Variants in IGDCC3 observed in about 807,000 individuals in gnomAD.
IGDCC3 encodes the protein putative neuronal cell adhesion molecule.
Under a neutral mutation model 72.0 loss-of-function variants are expected in IGDCC3, and 47 were observed. The ratio of observed to expected loss-of-function variants is 0.65; its 90% CI spans 0.52 to 0.83. The LOEUF (loss-of-function observed/expected upper bound fraction) is 0.83, where lower values mean the gene tolerates loss of function less well. IGDCC3 is among the 40% of genes least tolerant of loss of function. The pLI is 0.00. For missense variants in IGDCC3, 1,038 were observed against 1,091.3 expected (o/e 0.95, Z 0.69); for synonymous variants, 477 against 472.8 (o/e 1.01, Z -0.11).
chr15:65,362,837 G>A (rs965454812), intron 2 of IGDCC3, among the ~76,000 whole-genome samples: 10 of 148,942 alleles, frequency 6.7e-5, no homozygotes, highest in Non-Finnish European at 1.0e-4. Flanking sequence ...TTACCAGCGA[G>A]GTTTGGGGAT....
In IGDCC3 at chr15:65,328,814, A is replaced by C; in HGVS notation, c.*95T>G. The stretch of plus-strand genomic sequence containing the variant: ...AGGATAGAAATGCTGGGGAGCCCCC[A>C]GGACCATCCAAATCCCACATGACAG... On this transcript the variant is annotated 3_prime_UTR_variant, in exon 14 of 14. Coordinates refer to ENST00000327987, the MANE Select transcript of IGDCC3 (RefSeq NM_004884.4). 1 of 1,443,762 alleles carries C rather than the reference A, an allele frequency of 6.9e-7. No homozygotes were observed. Among genetic ancestry groups the C allele is most frequent in the Non-Finnish European group, 9.2e-7 (1 of 1,086,204 alleles). The allele number at this position is 1,443,762 out of a possible 1,614,324, so 89.4% of individuals were successfully genotyped here. A position where few individuals can be genotyped will look rare whatever the true frequency, so the allele number is the denominator to read the frequency against.
At chr15:65,354,721 T>C (rs1178960583) in intron 2 of IGDCC3, among the ~76,000 whole-genome samples, 1 of 152,200 alleles carries the variant, frequency 6.6e-6, no homozygotes, top group Non-Finnish European at 1.5e-5. Context: ...TCACTCCTCA[T>C]CTTGTCTTCC....
Position 65,377,733 on chromosome 15 carries a change from CG to C in IGDCC3, c.55del (p.Arg19GlyfsTer41). On this transcript the variant is annotated frameshift_variant, in exon 1 of 14. Coordinates refer to ENST00000327987, the MANE Select transcript of IGDCC3 (RefSeq NM_004884.4). LOFTEE classifies it high-confidence loss of function. This position sits in a 1 kb window ranked among gnomAD's most constrained non-coding sequence, Gnocchi z 4.9. Reference protein sequence around the residue: ...PRRPPAPLWPRLLLPLLLLLL... With the variant: ...PRRPPAPLWPXLLLPLLLLLL... ...CAGCAACAGCAGCGGCAGCAGGAGC[CG>C]GGGCCAGAGCGGGGCGGGCGGGCGG... 1.5e-6 allele frequency: 2 copies of C among 1,358,974 alleles called. No individual in the cohort carries two copies. The highest frequency in any genetic ancestry group is 1.8e-5 in the South Asian group (1 of 56,698). The allele number at this position is 1,358,974 out of a possible 1,614,324, so 84.2% of individuals were successfully genotyped here.
intron 2 of IGDCC3, among the ~76,000 whole-genome samples, chr15:65,368,381 A>C (rs1221440139): frequency 1.3e-5 from 2 of 152,172 alleles, no homozygotes; most frequent in Non-Finnish European, 2.9e-5. Context: ...TTCCCAGCCA[A>C]GGCGCCTGGC....
At chr15:65,334,898 G>A in intron 4 of IGDCC3, 33 bp from the exon 5 acceptor site, 2 of 1,592,452 alleles carry the variant, frequency 1.3e-6, no homozygotes, top group Non-Finnish European at 1.7e-6. Flanking sequence ...CCTCACTTCA[G>A]CTGGGGACTT....
chr15:65,355,038 C>G (rs924699840), intron 2 of IGDCC3, among the ~76,000 whole-genome samples: 5 of 152,188 alleles, frequency 3.3e-5, no homozygotes, highest in African/African-American at 1.2e-4. Context: ...CTTGGGAATC[C>G]GGACCAGGGC....
In IGDCC3 at chr15:65,335,418, G is replaced by A; in HGVS notation, c.558C>T (p.Tyr186=). The change falls in exon 4 of 14, where the codon TAC becomes TAT. Residue 186 remains tyrosine (Y), a synonymous_variant. Coordinates refer to ENST00000327987, the MANE Select transcript of IGDCC3 (RefSeq NM_004884.4). ...RVPIDTDNER[Y]TLLPKGVLQI... Reference sequence around the variant, plus strand: ...GCAGGACCCCCTTGGGCAGCAATGTGTACCTGTTGAGGGGAGGGACATAGT... The same window carrying A: ...GCAGGACCCCCTTGGGCAGCAATGTATACCTGTTGAGGGGAGGGACATAGT... 6.2e-7 allele frequency: 1 copy of A among 1,608,912 alleles called. No individual in the cohort carries two copies. The highest frequency in any genetic ancestry group is 8.5e-7 in the Non-Finnish European group (1 of 1,177,692).
Position 65,377,705 on chromosome 15 carries a change from C to G in IGDCC3, c.84G>C (p.Leu28=). Residue 28 remains leucine (L), a synonymous_variant, in exon 1 of 14, where the codon CTG becomes CTC. Coordinates refer to ENST00000327987, the MANE Select transcript of IGDCC3 (RefSeq NM_004884.4). This position sits in a 1 kb window ranked among gnomAD's most constrained non-coding sequence, Gnocchi z 4.9. ...PRLLLPLLLL[L]LPAPSEGLGH... The stretch of plus-strand genomic sequence containing the variant: ...ACTCACCCTCGCTCGGCGCGGGCAG[C>G]AGCAGCAACAGCAGCGGCAGCAGGA... The G allele has an allele frequency of 5.0e-6, 7 of 1,397,178 alleles. No individual in the cohort carries two copies. The highest frequency in any genetic ancestry group is 6.5e-6 in the Non-Finnish European group (7 of 1,079,504). 86.5% of individuals were successfully genotyped at this position (1,397,178 alleles called of 1,614,324 possible). A position where few individuals can be genotyped will look rare whatever the true frequency, so the allele number is the denominator to read the frequency against.
intron 6 of IGDCC3, 125 bp from the exon 7 acceptor site, chr15:65,332,231 GC>G: frequency 8.7e-7 from 1 of 1,149,916 alleles, no homozygotes. Context: ...ACACACATCT[GC>G]CCCCTGGAGA....
rs1407993036 is a variant in IGDCC3 at position 65,330,358 on chromosome 15, T to C, written c.1793A>G (p.Asn598Ser). The C allele has an allele frequency of 1.9e-6, 3 of 1,614,088 alleles. No individual in the cohort carries two copies. Among genetic ancestry groups the C allele is most frequent in the Non-Finnish European group, 2.5e-6 (3 of 1,180,000 alleles). ...TGTGGCATTGCCATCTCCATGCTGG[T>C]TGTAGGCGAGCAGCTTCACCTCATA... The part of the protein sequence containing the change: ...AVYEVKLLAY[N>S]QHGDGNATVR... The change falls in exon 11 of 14, where the codon AAC (asparagine) becomes AGC (serine). Residue 598 changes from asparagine (N) to serine (S), a missense_variant. By Grantham distance (46) the Asn-to-Ser change is conservative. Coordinates refer to ENST00000327987, the MANE Select transcript of IGDCC3 (RefSeq NM_004884.4).
rs2091243860 is a variant in IGDCC3 at position 65,358,984 on chromosome 15, T to G, written c.409+16113A>C. Among the ~76,000 whole-genome samples the G allele has an allele frequency of 2.0e-5, 3 of 152,028 alleles. No individual in the cohort carries two copies. In the South Asian group the frequency reaches 6.2e-4, roughly 32 times the overall value. On this transcript the variant is annotated intron_variant, in intron 2 of 13. Transcript: ENST00000327987. Reference sequence around the variant, plus strand: ...TGTATTACAGGTGTGTACCACCATGTCTGGCTAATTTTTGTATTTTTAGTA... The same window carrying G: ...TGTATTACAGGTGTGTACCACCATGGCTGGCTAATTTTTGTATTTTTAGTA...
At chr15:65,343,281 C>T (rs534517588) in intron 2 of IGDCC3, among the ~76,000 whole-genome samples, 36 of 152,192 alleles carry the variant, frequency 2.4e-4, no homozygotes, top group African/African-American at 8.7e-4. Flanking sequence ...AAGAAATGGT[C>T]GTGTCTCTTC....
intron 2 of IGDCC3, among the ~76,000 whole-genome samples, chr15:65,365,931 G>A (rs1388469446): frequency 6.6e-6 from 1 of 152,134 alleles, no homozygotes; most frequent in Non-Finnish European, 1.5e-5. Flanking sequence ...AATTTGGCCG[G>A]GTGCAGTGGC....
At chr15:65,360,714 A>G (rs1354486505) in intron 2 of IGDCC3, among the ~76,000 whole-genome samples, 1 of 152,196 alleles carries the variant, frequency 6.6e-6, no homozygotes, top group Non-Finnish European at 1.5e-5. Flanking sequence ...TCTGGCTCTG[A>G]AGCTAGAGCC....
intron 2 of IGDCC3, among the ~76,000 whole-genome samples, chr15:65,350,655 T>G (rs1268513347): frequency 6.6e-6 from 1 of 151,832 alleles, no homozygotes; most frequent in Admixed American, 6.6e-5. Flanking sequence ...AGAGATAGGG[T>G]TTAACTGTGT....
rs2090963443 is a variant in IGDCC3, at chr15:65,330,172, C to T, written c.1858+121G>A. 9 of 780,696 alleles carry T rather than the reference C, an allele frequency of 1.2e-5. No homozygotes were observed. In the South Asian group the frequency reaches 1.3e-4, roughly 11 times the overall value. The allele number at this position is 780,696 out of a possible 1,614,324, so 48.4% of individuals were successfully genotyped here. A position where few individuals can be genotyped will look rare whatever the true frequency, so the allele number is the denominator to read the frequency against. On this transcript the variant is annotated intron_variant, in intron 11 of 13. Coordinates refer to ENST00000327987, the MANE Select transcript of IGDCC3 (RefSeq NM_004884.4). ...ACCAAGGTCACACAGCCAGCATGTG[C>T]ATGGCCAAGCTTCAAACTGTGGTCT...
At chr15:65,346,362 T>C (rs1186538424) in intron 2 of IGDCC3, among the ~76,000 whole-genome samples, 1 of 152,144 alleles carries the variant, frequency 6.6e-6, no homozygotes, top group Admixed American at 6.5e-5. Context: ...TTGTATAAAA[T>C]AGAGGATTGA....
At chr15:65,355,857 C>G (rs1052386530) in intron 2 of IGDCC3, 3 of 368,554 alleles carry the variant, frequency 8.1e-6, no homozygotes, top group African/African-American at 4.3e-5. Context: ...TTCCCGCCAC[C>G]CCCTCCCCCA....
At position 65,330,719 on chromosome 15, in the gene IGDCC3, T is replaced by G. The variant is rs376258429; in HGVS notation, c.1584A>C (p.Ser528=). ...AGGAGGAGCTGCCCAGGACTCGCAC[T>G]GACAGTGGGGGTGGGGCAGGGGCTG... ...LGEAPAPPPL[S]VRVLGSSSLQ... Residue 528 remains serine, a synonymous_variant, in exon 10 of 14, where the codon TCA becomes TCC. Transcript: ENST00000327987. 6 of 1,610,734 alleles carry G rather than the reference T, an allele frequency of 3.7e-6. No homozygotes were observed. The African/African-American group carries it at 6.7e-5, about 18-fold the overall frequency.
Sources: gnomAD v4.1 joint callset for allele counts (sites outside exome capture counted in the v4.1 genomes callset) on GRCh38, gnomAD v4.1.1 for gene constraint, Gnocchi (gnomAD v3.1) non-coding constraint, MANE v1.5 for transcripts, NCBI Gene and HGNC (gene_info 2026-07-23, HGNC 2026-07-21) for gene names.